BICD1: variants seen among roughly 807,000 people sequenced by gnomAD.
BICD1 encodes protein bicaudal D homolog 1.
A neutral mutation model predicts 92.5 loss-of-function variants in BICD1; 35 were observed. The ratio of observed to expected loss-of-function variants is 0.38; its 90% confidence interval spans 0.29 to 0.50. The LOEUF is 0.50. BICD1 is among the 20% of genes least tolerant of loss of function. BICD1 has a pLI of 0.93. For synonymous variants in BICD1, 429 were observed against 465.1 expected (o/e 0.92, Z 1.00); for missense variants, 950 against 1,189.8 (o/e 0.80, Z 2.97).
At chr12:32,375,219 C>T (rs994772207) in intron 9 of BICD1, among the ~76,000 whole-genome samples, 6 of 151,954 alleles carry the variant, frequency 3.9e-5, no homozygotes, top group Admixed American at 3.3e-4. Context: ...GCCACCGCGC[C>T]CAGGCTTATT....
chr12:32,206,566 A>G (rs1240218990), intron 1 of BICD1, among the ~76,000 whole-genome samples: 1 of 152,210 alleles, frequency 6.6e-6, no homozygotes, highest in Non-Finnish European at 1.5e-5. Flanking sequence ...AGATCACGCC[A>G]CTGCACTCCA....
At chr12:32,198,620 GT>G (rs934758308) in intron 1 of BICD1, among the ~76,000 whole-genome samples, 3 of 148,318 alleles carry the variant, frequency 2.0e-5, no homozygotes, top group African/African-American at 5.0e-5. Context: ...TTCCTCGTTA[GT>G]TTTTTGGGCT....
chr12:32,201,316 C>T (rs1032893576), intron 1 of BICD1, among the ~76,000 whole-genome samples: 12 of 152,162 alleles, frequency 7.9e-5, no homozygotes, highest in Non-Finnish European at 1.3e-4. Context: ...AAATGAATGT[C>T]TTAACAAGTT....
At chr12:32,304,683 G>A (rs927872995) in intron 3 of BICD1, among the ~76,000 whole-genome samples, 3 of 152,168 alleles carry the variant, frequency 2.0e-5, no homozygotes, top group African/African-American at 7.2e-5. Context: ...GATTGTTTGA[G>A]GAGGTTTATT....
At position 32,245,243 on chromosome 12, in the gene BICD1, G is replaced by GTTTTTTT. The variant is rs201510925; in HGVS notation, c.426+28790_426+28791insTTTTTTT. On this transcript the variant is annotated intron_variant, in intron 2 of 9. Coordinates refer to ENST00000652176, the MANE Select transcript of BICD1 (RefSeq NM_001714.4). Reference sequence around the variant, plus strand: ...GCTGGGAATCAAAGAGCTTAGTTTTGTTTTTTGTTTTTTTTTTTTTTGAGA... The same window carrying GTTTTTTT: ...GCTGGGAATCAAAGAGCTTAGTTTTGTTTTTTTTTTTTTGTTTTTTTTTTTTTTGAGA... 1.4e-4 allele frequency among the ~76,000 whole-genome samples: 17 copies of GTTTTTTT among 119,872 alleles called. 1 individual carries two copies. The highest frequency in any genetic ancestry group is 2.6e-4 in the South Asian group (1 of 3,858). The allele number at this position is 119,872 out of a possible 152,430, so 78.6% of individuals were successfully genotyped here.
At chr12:32,294,507 G>A (rs1325023940) in intron 3 of BICD1, among the ~76,000 whole-genome samples, 1 of 151,732 alleles carries the variant, frequency 6.6e-6, no homozygotes, top group Non-Finnish European at 1.5e-5. Context: ...TGTAATCCCA[G>A]CTACTTGGGA....
At chr12:32,212,043 C>T (rs987463144) in intron 1 of BICD1, among the ~76,000 whole-genome samples, 1 of 152,142 alleles carries the variant, frequency 6.6e-6, no homozygotes, top group African/African-American at 2.4e-5. Flanking sequence ...GAATTTCTGT[C>T]GAGAGACTGA....
chr12:32,237,419 A>T (rs554492742), intron 2 of BICD1, among the ~76,000 whole-genome samples: 1 of 152,376 alleles, frequency 6.6e-6, no homozygotes, highest in East Asian at 1.9e-4. Flanking sequence ...ACCAAATAAC[A>T]AATCTTCAAA....
intron 8 of BICD1, among the ~76,000 whole-genome samples, chr12:32,354,423 AT>A (rs1319468643): frequency 3.9e-5 from 6 of 152,188 alleles, no homozygotes; most frequent in Admixed American, 3.9e-4. Flanking sequence ...CTATATTGAA[AT>A]TTTTTGATGT....
intron 1 of BICD1, among the ~76,000 whole-genome samples, chr12:32,137,659 G>A (rs377097350): frequency 6.6e-5 from 10 of 151,994 alleles, no homozygotes; most frequent in East Asian, 1.9e-4. Context: ...ATACTTAGTC[G>A]TATCAGTTTG....
chr12:32,320,540 G>T (rs868127301), intron 4 of BICD1, among the ~76,000 whole-genome samples: 41 of 152,302 alleles, frequency 2.7e-4, no homozygotes, highest in Middle Eastern at 3.4e-3. Flanking sequence ...TACTCGGGAG[G>T]CTGAGGCAGG....
rs767421423 is a variant in BICD1, at chr12:32,305,867, G to A, written c.750G>A (p.Lys250=). 1 of 1,614,194 alleles carries A rather than the reference G, an allele frequency of 6.2e-7. No individual in the cohort carries two copies. Among genetic ancestry groups the A allele is most frequent in the East Asian group, 2.2e-5 (1 of 44,878 alleles). Residue 250 remains lysine (K), a synonymous_variant, in exon 4 of 10, where the codon AAG becomes AAA. Coordinates refer to ENST00000652176, the MANE Select transcript of BICD1 (RefSeq NM_001714.4). ...NEREQKNNLR[K]ELSQYISLND... is the part of the protein sequence containing the mutation. Reference sequence around the variant, plus strand: ...GAGAGCAAAAGAACAACCTGCGGAAGGAGCTCTCCCAGTATATCAGCCTCA... The same window carrying A: ...GAGAGCAAAAGAACAACCTGCGGAAAGAGCTCTCCCAGTATATCAGCCTCA...
At chr12:32,288,741 C>T (rs1947647429) in intron 2 of BICD1, among the ~76,000 whole-genome samples, 1 of 151,858 alleles carries the variant, frequency 6.6e-6, no homozygotes, top group Admixed American at 6.6e-5. Context: ...TAGCAGGCAC[C>T]TGTAATCCCA....
At chr12:32,231,323 A>G (rs147630901) in intron 2 of BICD1, among the ~76,000 whole-genome samples, 590 of 152,162 alleles carry the variant, frequency 3.9e-3, no homozygotes, top group Middle Eastern at 6.8e-3. Context: ...TCTCTACAAA[A>G]AATACAAAAA....
At chr12:32,204,468 C>T (rs376274224) in intron 1 of BICD1, among the ~76,000 whole-genome samples, 10 of 151,998 alleles carry the variant, frequency 6.6e-5, no homozygotes, top group South Asian at 6.3e-4. Flanking sequence ...CTCTCCGGGG[C>T]GGCCAAAATT....
rs1457065642 is a variant in BICD1 at position 32,239,262 on chromosome 12, A to G, written c.426+22803A>G. 4.2e-5 allele frequency among the ~76,000 whole-genome samples: 6 copies of G among 142,304 alleles called. No individual in the cohort carries two copies. In the East Asian group the frequency reaches 8.5e-4, roughly 20 times the overall value. 93.4% of individuals were successfully genotyped at this position (142,304 alleles called of 152,430 possible). A position where few individuals can be genotyped will look rare whatever the true frequency, so the allele number is the denominator to read the frequency against. On this transcript the variant is annotated intron_variant, in intron 2 of 9. Transcript: ENST00000652176. ...ACTCCGTCTCAAAAAAAAAAAAAAA[A>G]AAAGAAAAGAAAGGAAATTGTTGGC... is the stretch of plus-strand genomic sequence containing the variant.
Position 32,294,085 on chromosome 12 carries a change from C to A in BICD1, c.518C>A (p.Thr173Asn). The A allele has an allele frequency of 1.9e-6, 3 of 1,611,044 alleles. No individual in the cohort carries two copies. Among genetic ancestry groups the A allele is most frequent in the Non-Finnish European group, 2.5e-6 (3 of 1,179,418 alleles). The change falls in exon 3 of 10, where the codon ACT becomes AAT. Residue 173 changes from threonine (T) to asparagine (N), a missense_variant. Physicochemically the swap from Thr to Asn is moderately conservative, Grantham distance 65. Transcript: ENST00000652176. ...GAGGCACGGCTCCTTCAGGACTATA[C>A]TGAATTGGAAGAAGAAAATATCACA... is the stretch of plus-strand genomic sequence containing the variant. ...FREARLLQDY[T>N]ELEEENITLQ...
chr12:32,264,946 G>C (rs1368860275), intron 2 of BICD1, among the ~76,000 whole-genome samples: 2 of 152,112 alleles, frequency 1.3e-5, no homozygotes, highest in Non-Finnish European at 2.9e-5. Flanking sequence ...GTGCGACCTT[G>C]TACACAGAAA....
Position 32,337,708 on chromosome 12 carries a change from T to G in BICD1, c.2462T>G (p.Val821Gly), listed in dbSNP as rs1399864305. The stretch of plus-strand genomic sequence containing the variant: ...AAGAGCAAGATCGGCAGCCCTAAAG[T>G]AAGTGGGGAGGCATCAGTCACCGTG... ...LGKSKIGSPK[V>G]SGEASVTVPT... Residue 821 changes from valine (V) to glycine (G), a missense_variant, in exon 7 of 10, where the codon GTA (valine) becomes GGA (glycine). Val to Gly is a moderately radical substitution (Grantham distance 109). Transcript: ENST00000652176. The surrounding 1 kb of genome is among the most constrained non-coding windows in gnomAD (Gnocchi z 4.7). 6.2e-7 allele frequency: 1 copy of G among 1,614,058 alleles called. No individual in the cohort carries two copies.
Sources: allele counts gnomAD v4.1 joint callset (sites outside exome capture counted in the v4.1 genomes callset), GRCh38; gene constraint gnomAD v4.1.1; non-coding constraint Gnocchi (gnomAD v3.1); transcripts MANE v1.5; gene names NCBI Gene and HGNC (gene_info 2026-07-23, HGNC 2026-07-21).